TBC1D5: variants seen among roughly 807,000 people sequenced by gnomAD.
The protein encoded by TBC1D5 is TBC1 domain family, member 5.
A neutral mutation model predicts 100.3 loss-of-function variants in TBC1D5; 75 were observed. The observed-to-expected ratio is 0.75, with a 90% confidence interval of 0.62 to 0.91. The LOEUF (loss-of-function observed/expected upper bound fraction) is 0.91. Ranked by LOEUF, TBC1D5 falls within the 40% of genes least tolerant of loss-of-function variation. The probability of loss-of-function intolerance (pLI) is 0.00; values close to 1 mark genes in which losing one functional copy is unlikely to be tolerated. For missense variants in TBC1D5, 910 were observed against 942.4 expected, an observed-to-expected ratio of 0.97 and a Z score of 0.45; for synonymous variants, 323 against 325.6, an observed-to-expected ratio of 0.99 and a Z score of 0.09.
At chr3:17,414,775 T>G (rs2094022415) in intron 4 of TBC1D5, among the ~76,000 whole-genome samples, 1 of 152,208 alleles carries the variant, frequency 6.6e-6, no homozygotes, top group South Asian at 2.1e-4. Flanking sequence ...CTGGCTTTTT[T>G]GCTTCCTGTA....
At chr3:17,504,518 A>C (rs1017839418) in intron 3 of TBC1D5, among the ~76,000 whole-genome samples, 1 of 152,194 alleles carries the variant, frequency 6.6e-6, no homozygotes, top group African/African-American at 2.4e-5. Flanking sequence ...AAATAATGTC[A>C]GAAAAATGGC....
intron 2 of TBC1D5, among the ~76,000 whole-genome samples, chr3:17,532,604 AG>A (rs2096241732): frequency 6.6e-6 from 1 of 152,194 alleles, no homozygotes; most frequent in Non-Finnish European, 1.5e-5. Context: ...CAACAATGAT[AG>A]ACTGGATTAA....
In TBC1D5 at chr3:17,163,991, C is replaced by T. The variant is rs569704465; in HGVS notation, c.2095-2735G>A. On this transcript the variant is annotated intron_variant, in intron 21 of 21. Coordinates refer to ENST00000253692, the Ensembl canonical transcript of TBC1D5. ...GGGTCCCACAAAGTCCTGCCTTCTA[C>T]TGCAGCTGATTTGAGTTAGTTCATC... Among the ~76,000 whole-genome samples the T allele has an allele frequency of 2.6e-5, 4 of 152,342 alleles. No homozygotes were observed. The East Asian group carries it at 7.7e-4, about 29-fold the overall frequency.
At chr3:17,538,965 C>T (rs904139550) in intron 2 of TBC1D5, among the ~76,000 whole-genome samples, 1 of 152,114 alleles carries the variant, frequency 6.6e-6, no homozygotes, top group East Asian at 1.9e-4. Flanking sequence ...GTGGAACACT[C>T]GAGATCATAA....
intron 2 of TBC1D5, among the ~76,000 whole-genome samples, chr3:17,619,969 T>C (rs1022174261): frequency 6.6e-6 from 1 of 152,214 alleles, no homozygotes; most frequent in Non-Finnish European, 1.5e-5. Context: ...ATTCCATTTC[T>C]CACCTATCAC....
chr3:17,260,134 T>C (rs2078137967), intron 15 of TBC1D5, among the ~76,000 whole-genome samples: 3 of 152,168 alleles, frequency 2.0e-5, no homozygotes, highest in Admixed American at 6.5e-5. Context: ...CACTGGCAGA[T>C]TGACAGTGCA....
At chr3:17,400,082 A>G (rs1292093784) in intron 8 of TBC1D5, among the ~76,000 whole-genome samples, 1 of 151,982 alleles carries the variant, frequency 6.6e-6, no homozygotes, top group Non-Finnish European at 1.5e-5. Context: ...TTACTGTCTC[A>G]CCACTCTCCC....
At chr3:17,696,391 G>C (rs1298877743) in intron 1 of TBC1D5, among the ~76,000 whole-genome samples, 1 of 152,054 alleles carries the variant, frequency 6.6e-6, no homozygotes, top group Non-Finnish European at 1.5e-5. Context: ...GAATCAAATA[G>C]ATGCAATAAA....
chr3:17,247,796 T>C (rs1358946324), intron 16 of TBC1D5, among the ~76,000 whole-genome samples: 5 of 152,170 alleles, frequency 3.3e-5, no homozygotes. Flanking sequence ...TTGCTGTCAT[T>C]TCAATAATGT....
intron 1 of TBC1D5, among the ~76,000 whole-genome samples, chr3:17,731,454 T>C (rs1188968966): frequency 1.4e-5 from 2 of 138,002 alleles, no homozygotes; most frequent in Non-Finnish European, 3.0e-5. Flanking sequence ...TGCAGTGAGC[T>C]GAGATCGTGC....
chr3:17,432,412 G>C (rs1196329566), intron 3 of TBC1D5, among the ~76,000 whole-genome samples: 1 of 152,102 alleles, frequency 6.6e-6, no homozygotes, highest in African/African-American at 2.4e-5. Context: ...TGAAGGCAAA[G>C]CATAATGACT....
At chr3:17,634,736 T>C (rs1194199470) in intron 1 of TBC1D5, among the ~76,000 whole-genome samples, 1 of 152,092 alleles carries the variant, frequency 6.6e-6, no homozygotes, top group Non-Finnish European at 1.5e-5. Context: ...AAAGAATAGT[T>C]GGATTGTTAA....
At chr3:17,731,588 G>A (rs1402214142) in intron 1 of TBC1D5, among the ~76,000 whole-genome samples, 1 of 151,248 alleles carries the variant, frequency 6.6e-6, no homozygotes, top group Non-Finnish European at 1.5e-5. Context: ...CAGAATAAGA[G>A]AATCGTGAGA....
intron 1 of TBC1D5, among the ~76,000 whole-genome samples, chr3:17,643,817 C>T (rs1187008588): frequency 6.6e-6 from 1 of 152,000 alleles, no homozygotes; most frequent in Non-Finnish European, 1.5e-5. Flanking sequence ...TAATTGTAGC[C>T]TCATTTTTTA....
At chr3:17,507,419 A>C (rs112910260) in intron 3 of TBC1D5, among the ~76,000 whole-genome samples, 10,491 of 152,220 alleles carry the variant, frequency 0.069, 709 homozygotes, top group African/African-American at 0.18. Context: ...ATTAAAAATA[A>C]CAATGGCATT....
chr3:17,498,374 C>T (rs1342448664), intron 3 of TBC1D5, among the ~76,000 whole-genome samples: 1 of 152,064 alleles, frequency 6.6e-6, no homozygotes, highest in Non-Finnish European at 1.5e-5. Context: ...TTTCAATTCT[C>T]ATAGAATGCA....
At chr3:17,698,649 C>CAA (rs2072575947) in intron 1 of TBC1D5, among the ~76,000 whole-genome samples, 1 of 147,186 alleles carries the variant, frequency 6.8e-6, no homozygotes, top group Admixed American at 6.8e-5. Context: ...ACTCATCTGA[C>CAA]AAAGGGCTAA....
intron 1 of TBC1D5, among the ~76,000 whole-genome samples, chr3:17,684,074 CT>C (rs1162074560): frequency 6.6e-6 from 1 of 151,346 alleles, no homozygotes; most frequent in South Asian, 2.1e-4. Flanking sequence ...GAGAAGGAAG[CT>C]TTTTTTTCTT....
chr3:17,730,393 G>C (rs2076461872), intron 1 of TBC1D5, among the ~76,000 whole-genome samples: 1 of 152,146 alleles, frequency 6.6e-6, no homozygotes, highest in Non-Finnish European at 1.5e-5. Context: ...AGGGGACTAG[G>C]TTTTTCCACT....
Sources: allele counts gnomAD v4.1 joint callset (sites outside exome capture counted in the v4.1 genomes callset), GRCh38; gene constraint gnomAD v4.1.1; transcripts MANE v1.5; gene names NCBI Gene and HGNC (gene_info 2026-07-23, HGNC 2026-07-21).